FBXO46: variants seen among roughly 807,000 people sequenced by gnomAD.
FBXO46 encodes the protein F-box protein 46, also known as F-box only protein 46.
In FBXO46, 13 loss-of-function variants were observed where a neutral mutation model predicts 30.7. That is an observed-to-expected ratio of 0.42 (90% CI 0.28 to 0.67). The LOEUF (loss-of-function observed/expected upper bound fraction) is 0.67, where lower values mean the gene tolerates loss of function less well. Among genes scored for constraint, FBXO46 ranks in the 30% least tolerant of loss-of-function variants. The pLI is 0.21. For missense variants in FBXO46, 754 were observed against 871.5 expected, an observed-to-expected ratio of 0.87 and a Z score of 1.70; for synonymous variants, 467 against 385.8, an observed-to-expected ratio of 1.21 and a Z score of -2.47.
intron 1 of FBXO46, among the ~76,000 whole-genome samples, chr19:45,724,483 A>G (rs568145465): frequency 6.6e-5 from 10 of 152,238 alleles, no homozygotes; most frequent in East Asian, 5.8e-4. Flanking sequence ...TCTGCACCCA[A>G]TACAGGCGCT....
rs758501210 is a variant in FBXO46 at position 45,711,906 on chromosome 19, G to A, written c.1590C>T (p.Cys530=). ...TCTCGTATCTCTTGCGGCACTGTTT[G>A]CACGGATCATCGCGGTAGAGCGGGT... is the stretch of plus-strand genomic sequence containing the variant. ...SRDPLYRDDP[C]KQCRKRYEKG... The change falls in exon 2 of 2, where the codon TGC becomes TGT. Residue 530 remains cysteine, a synonymous_variant. Coordinates refer to ENST00000317683, the MANE Select transcript of FBXO46 (RefSeq NM_001080469.2). 10 of 1,613,566 alleles carry A rather than the reference G, an allele frequency of 6.2e-6. No individual in the cohort carries two copies. In the Admixed American group the frequency reaches 1.5e-4, roughly 24 times the overall value.
Position 45,712,457 on chromosome 19 carries a change from T to C in FBXO46, c.1039A>G (p.Thr347Ala). 6.2e-7 allele frequency: 1 copy of C among 1,610,956 alleles called. No homozygotes were observed. The highest frequency in any genetic ancestry group is 8.5e-7 in the Non-Finnish European group (1 of 1,178,976). The change falls in exon 2 of 2, where the codon ACT becomes GCT. Residue 347 changes from threonine (T) to alanine (A), a missense_variant. Physicochemically the swap from Thr to Ala is moderately conservative, Grantham distance 58. Around this residue, in one of 5 missense-constraint regions of FBXO46, gnomAD observed 454 missense variants for 426.5 expected, o/e 1.06. Coordinates refer to ENST00000317683, the MANE Select transcript of FBXO46 (RefSeq NM_001080469.2). This position sits in a 1 kb window ranked among gnomAD's most constrained non-coding sequence, Gnocchi z 8.8. Reference sequence around the variant, plus strand: ...GGGGGCGGAGGGGGCGCCGGGGGAGTGTCCTCAGGCCTGGCGGGTGCCGGG... The same window carrying C: ...GGGGGCGGAGGGGGCGCCGGGGGAGCGTCCTCAGGCCTGGCGGGTGCCGGG... ...DSPAPARPED[T>A]PPAPPPPPAR...
In FBXO46 at chr19:45,713,785, T is replaced by C. The variant is rs759801928; in HGVS notation, c.-78-212A>G. Among the ~76,000 whole-genome samples the C allele has an allele frequency of 6.6e-6, 1 of 151,810 alleles. No individual in the cohort carries two copies. The highest frequency in any genetic ancestry group is 6.6e-5 in the Admixed American group (1 of 15,244). On this transcript the variant is annotated intron_variant, in intron 1 of 1. Transcript: ENST00000317683. The surrounding 1 kb of genome is among the most constrained non-coding windows in gnomAD (Gnocchi z 4.7). ...GAGTTTGAGACCAGCCTGGCCAACATGGTGATACCCCATCTCTACTAAAAA... is the reference window on the plus strand; with the variant it reads ...GAGTTTGAGACCAGCCTGGCCAACACGGTGATACCCCATCTCTACTAAAAA...
At chr19:45,724,566 G>C (rs1968213237) in intron 1 of FBXO46, among the ~76,000 whole-genome samples, 1 of 152,046 alleles carries the variant, frequency 6.6e-6, no homozygotes, top group South Asian at 2.1e-4. Context: ...CAGCACTTTG[G>C]GAGGCCGAAG....
At position 45,712,014 on chromosome 19, in the gene FBXO46, G is replaced by A. The variant is rs61757392; in HGVS notation, c.1482C>T (p.Ala494=). The change falls in exon 2 of 2, where the codon GCC becomes GCT. Residue 494 remains alanine (A), a synonymous_variant. Coordinates refer to ENST00000317683, the MANE Select transcript of FBXO46 (RefSeq NM_001080469.2). This position sits in a 1 kb window ranked among gnomAD's most constrained non-coding sequence, Gnocchi z 8.8. The part of the protein sequence containing the change: ...IFSFLPTRAL[A]ALKCTCHHFK... ...AGTGGTGGCAGGTGCACTTGAGGGCGGCCAGCGCGCGCGTGGGCAGGAAGC... is the reference window on the plus strand; with the variant it reads ...AGTGGTGGCAGGTGCACTTGAGGGCAGCCAGCGCGCGCGTGGGCAGGAAGC... The A allele has an allele frequency of 2.5e-5, 41 of 1,612,282 alleles. No homozygotes were observed. The highest frequency in any genetic ancestry group is 3.0e-5 in the Non-Finnish European group (35 of 1,179,650).
chr19:45,728,621 A>C (rs1968269389), intron 1 of FBXO46, among the ~76,000 whole-genome samples: 1 of 152,116 alleles, frequency 6.6e-6, no homozygotes, highest in African/African-American at 2.4e-5. Context: ...AGACCCCTTA[A>C]GCCTAGGAAT....
chr19:45,711,872 C>T lies in FBXO46; in HGVS notation c.1624G>A (p.Val542Met), dbSNP rs774809977. ...QCRKRYEKGD[V>M]SLCRWHPKPY... ...TTGGGGTGCCAGCGGCAGAGCGACA[C>T]GTCGCCCTTCTCGTATCTCTTGCGG... Residue 542 changes from valine to methionine, a missense_variant, in exon 2 of 2, where the codon GTG becomes ATG. By Grantham distance (21) the Val-to-Met change is conservative. Transcript: ENST00000317683. 14 of 1,613,604 alleles carry T rather than the reference C, an allele frequency of 8.7e-6. No homozygotes were observed. Among genetic ancestry groups the T allele is most frequent in the Admixed American group, 1.7e-5 (1 of 60,006 alleles).
chr19:45,712,209 G>T lies in FBXO46; in HGVS notation c.1287C>A (p.Ala429=), dbSNP rs370392883. The change falls in exon 2 of 2, where the codon GCC becomes GCA. Residue 429 remains alanine, a synonymous_variant. Transcript: ENST00000317683. The surrounding 1 kb of genome is among the most constrained non-coding windows in gnomAD (Gnocchi z 8.8). ...PPEPPPADSP[A]TAPGPDDAEG... is the part of the protein sequence containing the mutation. ...CGGCATCGTCTGGGCCGGGCGCAGTGGCCGGGGAGTCGGCCGGGGGTGGCT... is the reference window on the plus strand; with the variant it reads ...CGGCATCGTCTGGGCCGGGCGCAGTTGCCGGGGAGTCGGCCGGGGGTGGCT... 4.3e-4 allele frequency: 683 copies of T among 1,605,308 alleles called. 4 individuals are homozygous for T. The highest frequency in any genetic ancestry group is 2.7e-3 in the South Asian group (243 of 90,726).
In FBXO46 at chr19:45,713,324, G is replaced by A. The variant is rs1968031230; in HGVS notation, c.172C>T (p.Pro58Ser). The A allele has an allele frequency of 6.2e-7, 1 of 1,613,408 alleles. No homozygotes were observed. ...HGPAHSENTP[P>S]ALATEVPASQ... Reference sequence around the variant, plus strand: ...GCAGGGACCTCAGTGGCCAAGGCGGGTGGTGTGTTCTCTGAGTGGGCAGGC... The same window carrying A: ...GCAGGGACCTCAGTGGCCAAGGCGGATGGTGTGTTCTCTGAGTGGGCAGGC... Residue 58 changes from proline (P) to serine (S), a missense_variant, in exon 2 of 2, where the codon CCC (proline) becomes TCC (serine). This residue lies in a region of FBXO46 where 97 missense variants were observed against 113.0 expected (regional missense o/e 0.86). Transcript: ENST00000317683. The surrounding 1 kb of genome is among the most constrained non-coding windows in gnomAD (Gnocchi z 4.7).
intron 1 of FBXO46, chr19:45,714,622 G>C (rs372072500): frequency 6.6e-6 from 1 of 152,176 alleles, no homozygotes; most frequent in South Asian, 2.1e-4. Context: ...GAACAAAGCC[G>C]GGTGTGGTGG....
Position 45,712,068 on chromosome 19 carries a change from C to T in FBXO46, c.1428G>A (p.Leu476=). ...LLEPRQYMLL[L]PEHVLVKIFS... ...AGATCTTGACCAGCACGTGCTCGGGCAGCAGCAGCATGTACTGTCGCGGCT... is the reference window on the plus strand; with the variant it reads ...AGATCTTGACCAGCACGTGCTCGGGTAGCAGCAGCATGTACTGTCGCGGCT... Residue 476 remains leucine, a synonymous_variant, in exon 2 of 2, where the codon CTG becomes CTA. Coordinates refer to ENST00000317683, the MANE Select transcript of FBXO46 (RefSeq NM_001080469.2). The surrounding 1 kb of genome is among the most constrained non-coding windows in gnomAD (Gnocchi z 8.8). 2 of 1,609,576 alleles carry T rather than the reference C, an allele frequency of 1.2e-6. No homozygotes were observed. Among genetic ancestry groups the T allele is most frequent in the Non-Finnish European group, 1.7e-6 (2 of 1,178,518 alleles).
At chr19:45,726,288 G>A (rs370513169) in intron 1 of FBXO46, among the ~76,000 whole-genome samples, 10 of 152,104 alleles carry the variant, frequency 6.6e-5, no homozygotes, top group Admixed American at 6.6e-4. Context: ...TGAGGCTGCA[G>A]TGAGCTGAGA....
upstream of FBXO46, among the ~76,000 whole-genome samples, chr19:45,731,226 G>C (rs1228865649): frequency 2.6e-5 from 4 of 152,088 alleles, no homozygotes; most frequent in African/African-American, 4.8e-5. Context: ...GAGAGTTGGG[G>C]AAGAGCAAAT....
upstream of FBXO46, among the ~76,000 whole-genome samples, chr19:45,731,373 G>T (rs894434844): frequency 1.8e-4 from 26 of 148,322 alleles, no homozygotes; most frequent in Admixed American, 1.8e-3. Context: ...CTGGAGTGCA[G>T]TGGCGCAATT....
intron 1 of FBXO46, chr19:45,717,084 C>T (rs1462368705): frequency 6.6e-6 from 1 of 152,246 alleles, no homozygotes; most frequent in South Asian, 2.1e-4. Context: ...TCCAAGGTGC[C>T]CCTTAAGCGC....
intron 1 of FBXO46, among the ~76,000 whole-genome samples, chr19:45,721,363 G>A (rs1018853538): frequency 1.3e-5 from 2 of 151,868 alleles, no homozygotes; most frequent in African/African-American, 2.4e-5. Context: ...AAAACAGAAA[G>A]AAAGAATGGA....
At chr19:45,726,614 C>T (rs999411382) in intron 1 of FBXO46, among the ~76,000 whole-genome samples, 2 of 151,450 alleles carry the variant, frequency 1.3e-5, no homozygotes, top group Non-Finnish European at 2.9e-5. Flanking sequence ...TGCCACTGCA[C>T]TCCAGCCTGG....
chr19:45,727,033 G>A (rs972163295), intron 1 of FBXO46, among the ~76,000 whole-genome samples: 45 of 152,058 alleles, frequency 3.0e-4, no homozygotes, highest in African/African-American at 1.1e-3. Flanking sequence ...CTAGGCGGGT[G>A]GATCACTTGA....
rs1040937004 is a variant in FBXO46, at chr19:45,710,961, G to A, written c.*723C>T. 11 of 215,712 alleles carry A rather than the reference G, an allele frequency of 5.1e-5. No homozygotes were observed. Among genetic ancestry groups the A allele is most frequent in the Non-Finnish European group, 1.0e-4 (11 of 106,794 alleles). The allele number at this position is 215,712 out of a possible 1,614,324, so 13.4% of individuals were successfully genotyped here. On this transcript the variant is annotated 3_prime_UTR_variant, in exon 2 of 2. Coordinates refer to ENST00000317683, the MANE Select transcript of FBXO46 (RefSeq NM_001080469.2). ...AGGCAAAGGGCTTCACAGCTTTATG[G>A]GGGTGGGGTTGATGGCAGTAGCTTA... is the stretch of plus-strand genomic sequence containing the variant.
Sources: allele counts gnomAD v4.1 joint callset (sites outside exome capture counted in the v4.1 genomes callset), GRCh38; gene constraint gnomAD v4.1.1; regional missense constraint gnomAD v4.1.1; non-coding constraint Gnocchi (gnomAD v3.1); transcripts MANE v1.5; gene names NCBI Gene and HGNC (gene_info 2026-07-23, HGNC 2026-07-21).